The following PDE1A variants were observed in gnomAD, a reference collection of about 807,000 sequenced individuals.
PDE1A encodes the protein phosphodiesterase 1A.
In PDE1A, 35 loss-of-function variants were observed where a neutral mutation model predicts 61.7. The observed-to-expected ratio is 0.57, with a 90% confidence interval of 0.43 to 0.75. The LOEUF (loss-of-function observed/expected upper bound fraction) is 0.75, where lower values mean the gene tolerates loss of function less well. PDE1A is among the 30% of genes least tolerant of loss of function. The pLI, the probability that PDE1A is intolerant of heterozygous loss-of-function variation, is 0.00. For missense variants in PDE1A, 597 were observed against 630.6 expected, an observed-to-expected ratio of 0.95 and a Z score of 0.57; for synonymous variants, 232 against 213.2, an observed-to-expected ratio of 1.09 and a Z score of -0.77.
At chr2:182,364,031 C>T (rs1461517279) in intron 1 of PDE1A, among the ~76,000 whole-genome samples, 1 of 151,944 alleles carries the variant, frequency 6.6e-6, no homozygotes. Flanking sequence ...TTATGCTCTG[C>T]CTCCACATCT....
the PDE1A span, among the ~76,000 whole-genome samples, chr2:182,618,717 C>T: frequency 1.1e-4 from 17 of 152,142 alleles, 2 homozygotes; most frequent in African/African-American, 3.4e-4. Flanking sequence ...TGGTTATTTC[C>T]GGGAACATGA....
At chr2:182,708,372 A>G in the PDE1A span, among the ~76,000 whole-genome samples, 1 of 152,066 alleles carries the variant, frequency 6.6e-6, no homozygotes, top group Non-Finnish European at 1.5e-5. Context: ...TTATATGAAA[A>G]TAATGCCTCT....
At chr2:182,404,615 A>G (rs547191865) in intron 1 of PDE1A, among the ~76,000 whole-genome samples, 1 of 152,316 alleles carries the variant, frequency 6.6e-6, no homozygotes, top group East Asian at 1.9e-4. Flanking sequence ...ATTCTATCAG[A>G]TGTTCTGTAT....
intron 10 of PDE1A, among the ~76,000 whole-genome samples, chr2:182,200,542 A>C (rs144552290): frequency 1.1e-3 from 171 of 152,328 alleles, no homozygotes; most frequent in Non-Finnish European, 1.9e-3. Flanking sequence ...ATAGCAAGGA[A>C]GCTCTGCATC....
chr2:182,186,214 G>A, intron 12 of PDE1A, 135 bp from the exon 13 acceptor site: 2 of 903,352 alleles, frequency 2.2e-6, no homozygotes, highest in East Asian at 2.6e-5. Flanking sequence ...GCACGTGGCA[G>A]CTGCTCATCT....
intron 4 of PDE1A, 138 bp downstream of exon 4, chr2:182,234,294 A>G (rs1689827701): frequency 1.7e-6 from 1 of 598,104 alleles, no homozygotes; most frequent in Non-Finnish European, 3.0e-6. Flanking sequence ...CATTTTTTAA[A>G]TTGTTAGGAT....
intron 2 of PDE1A, among the ~76,000 whole-genome samples, chr2:182,439,913 TAA>T (rs753483486): frequency 1.3e-5 from 2 of 152,136 alleles, no homozygotes; most frequent in African/African-American, 4.8e-5. Flanking sequence ...TGCCTTGATT[TAA>T]AGTTTCTGAG....
intron 1 of PDE1A, among the ~76,000 whole-genome samples, chr2:182,310,916 C>A (rs1695924540): frequency 6.6e-6 from 1 of 152,188 alleles, no homozygotes; most frequent in African/African-American, 2.4e-5. Context: ...ACTTTTATGC[C>A]TGTCCTCCAA....
chr2:182,623,032 T>A, the PDE1A span, among the ~76,000 whole-genome samples: 1 of 152,202 alleles, frequency 6.6e-6, no homozygotes, highest in Non-Finnish European at 1.5e-5. Context: ...ATTATTGAAA[T>A]GCAGTGTTTT....
At chr2:182,391,229 G>A (rs147571328) in intron 1 of PDE1A, among the ~76,000 whole-genome samples, 200 of 152,202 alleles carry the variant, frequency 1.3e-3, no homozygotes, top group African/African-American at 4.7e-3. Context: ...CGCATTTAAC[G>A]TTGCAGCTCT....
At chr2:182,450,806 A>G (rs919942171) in intron 2 of PDE1A, among the ~76,000 whole-genome samples, 4 of 151,992 alleles carry the variant, frequency 2.6e-5, no homozygotes, top group Non-Finnish European at 4.4e-5. Flanking sequence ...AATTTCTCAC[A>G]TTTGCAAAAA....
the PDE1A span, among the ~76,000 whole-genome samples, chr2:182,663,123 A>G: frequency 2.4e-3 from 372 of 152,336 alleles, 3 homozygotes; most frequent in African/African-American, 8.5e-3. Context: ...AATCAAAATC[A>G]CAATGAAATA....
rs535307725 is a variant in PDE1A at position 182,436,591 on chromosome 2, C to A, written c.101+85685G>T. ...ATGGTACTAGAAAATAATAATTTTC[C>A]CTCATCTGCTCTTTACATGACCCAA... On this transcript the variant is annotated intron_variant, in intron 2 of 14. Transcript: ENST00000410103. 9.9e-5 allele frequency among the ~76,000 whole-genome samples: 15 copies of A among 151,928 alleles called. No homozygotes were observed. The South Asian group carries it at 2.7e-3, about 27-fold the overall frequency.
At chr2:182,652,286 T>C in the PDE1A span, among the ~76,000 whole-genome samples, 1 of 152,316 alleles carries the variant, frequency 6.6e-6, no homozygotes, top group East Asian at 1.9e-4. Flanking sequence ...CCCTATGACC[T>C]GTCTAATTTC....
At chr2:182,531,891 C>T in the PDE1A span, among the ~76,000 whole-genome samples, 42 of 152,108 alleles carry the variant, frequency 2.8e-4, no homozygotes, top group East Asian at 1.9e-4. Flanking sequence ...TAATGTTCCC[C>T]GCCCTGTGTC....
chr2:182,504,851 G>A (rs540975138), intron 2 of PDE1A, among the ~76,000 whole-genome samples: 19 of 152,302 alleles, frequency 1.2e-4, no homozygotes, highest in Middle Eastern at 3.4e-3. Context: ...TGAATGTCTG[G>A]TAAAAATGAA....
chr2:182,602,992 C>CACATACATACAT, the PDE1A span, among the ~76,000 whole-genome samples: 140 of 130,484 alleles, frequency 1.1e-3, 1 homozygote, highest in Middle Eastern at 4.5e-3. Flanking sequence ...CACACACACA[C>CACATACATACAT]ACATACATAC....
At chr2:182,250,364 C>T (rs945129572) in intron 2 of PDE1A, among the ~76,000 whole-genome samples, 1 of 152,216 alleles carries the variant, frequency 6.6e-6, no homozygotes. Context: ...CTTTGAAGTA[C>T]AATAAATTAA....
chr2:182,489,545 C>G (rs1688247418), intron 2 of PDE1A, among the ~76,000 whole-genome samples: 1 of 152,076 alleles, frequency 6.6e-6, no homozygotes, highest in Non-Finnish European at 1.5e-5. Flanking sequence ...GGAGGTTGCA[C>G]TGGATGTGGT....
Sources: allele counts gnomAD v4.1 joint callset (sites outside exome capture counted in the v4.1 genomes callset), GRCh38; gene constraint gnomAD v4.1.1; transcripts MANE v1.5; gene names NCBI Gene and HGNC (gene_info 2026-07-23, HGNC 2026-07-21).